The following LIG1 variants were observed in gnomAD, a reference collection of about 807,000 sequenced individuals.
LIG1 encodes the protein DNA ligase 1.
In LIG1, 70 loss-of-function variants were observed where a neutral mutation model predicts 115.7. The observed-to-expected ratio is 0.60, with a 90% CI of 0.50 to 0.74. The LOEUF (loss-of-function observed/expected upper bound fraction) is 0.74. LIG1 is among the 30% of genes least tolerant of loss of function. The probability of loss-of-function intolerance (pLI) is 0.00; values close to 1 mark genes in which losing one functional copy is unlikely to be tolerated. For missense variants in LIG1, 1,115 were observed against 1,225.6 expected, an observed-to-expected ratio of 0.91 and a Z score of 1.35; for synonymous variants, 487 against 495.3, an observed-to-expected ratio of 0.98 and a Z score of 0.22.
intron 1 of LIG1, among the ~76,000 whole-genome samples, chr19:48,166,538 C>T (rs997022886): frequency 6.6e-6 from 1 of 152,158 alleles, no homozygotes; most frequent in Non-Finnish European, 1.5e-5. Flanking sequence ...AATATGCATG[C>T]TTTTGCAGGC....
chr19:48,135,694 C>T lies in LIG1; in HGVS notation c.1509G>A (p.Leu503=). 1 of 1,613,958 alleles carries T rather than the reference C, an allele frequency of 6.2e-7. No individual in the cohort carries two copies. The change falls in exon 16 of 28, where the codon CTG becomes CTA. Residue 503 remains leucine, a synonymous_variant. Transcript: ENST00000263274. ...CCAGCTCTCACCAGAACGTCTGCTT[C>T]AGGATCATGCCTTGCTCCTCCAGCC... ...KTWLEEQGMI[L]KQTFCEVPDL... is the part of the protein sequence containing the mutation.
rs370406559 is a variant in LIG1 at position 48,137,002 on chromosome 19, G to A, written c.1331+6C>T. On this transcript the variant is annotated splice_donor_region_variant and intron_variant, in intron 14 of 27. Coordinates refer to ENST00000263274, the MANE Select transcript of LIG1 (RefSeq NM_000234.3). This position sits in a 1 kb window ranked among gnomAD's most constrained non-coding sequence, Gnocchi z 4.3. The stretch of plus-strand genomic sequence containing the variant: ...CCTCTGTAGCCTCACAGGCCCACAC[G>A]CTTACCTAGCGATGAACCGGGCTTC... The A allele has an allele frequency of 9.0e-5, 145 of 1,609,422 alleles. No individual in the cohort carries two copies. Among genetic ancestry groups the A allele is most frequent in the Middle Eastern group, 1.7e-4 (1 of 6,050 alleles).
rs71334267 is a variant in LIG1, at chr19:48,119,529, C to CTTT, written c.2386-342_2386-340dup. On this transcript the variant is annotated intron_variant, in intron 24 of 27. Transcript: ENST00000263274. ...GTAACTGGCTGTCCTCACTTCCAGT[C>CTTT]TTTTTTTTTTTTTTTTTTTTTTTTT... Among the ~76,000 whole-genome samples the CTTT allele has an allele frequency of 2.2e-3, 148 of 68,010 alleles. 22 individuals carry two copies. The highest frequency in any genetic ancestry group is 5.9e-3 in the African/African-American group (88 of 14,820). 44.6% of individuals were successfully genotyped at this position (68,010 alleles called of 152,430 possible).
Position 48,136,017 on chromosome 19 carries a change from G to C in LIG1, c.1423+17C>G, listed in dbSNP as rs776210370. On this transcript the variant is annotated intron_variant, in intron 15 of 27. Transcript: ENST00000263274. ...TAACTCCAGCGAGGGATGCAGAGACGGGCCACAGGAGCTCACCTTGGCCCG... is the reference window on the plus strand; with the variant it reads ...TAACTCCAGCGAGGGATGCAGAGACCGGCCACAGGAGCTCACCTTGGCCCG... 6.5e-7 allele frequency: 1 copy of C among 1,544,514 alleles called. No individual in the cohort carries two copies. Among genetic ancestry groups the C allele is most frequent in the Non-Finnish European group, 8.8e-7 (1 of 1,141,276 alleles).
At chr19:48,120,816 A>C in intron 24 of LIG1, 1 of 509,608 alleles carries the variant, frequency 2.0e-6, no homozygotes, top group Non-Finnish European at 2.7e-6. Flanking sequence ...ATGTGGGGAC[A>C]AAAAAAAATG....
At chr19:48,165,753 T>C in intron 1 of LIG1, 130 bp from the exon 2 acceptor site, 1 of 760,316 alleles carries the variant, frequency 1.3e-6, no homozygotes, top group Non-Finnish European at 2.2e-6. Context: ...AAAAAGAAAC[T>C]CCTGTTTTTA....
chr19:48,168,699 AG>A (rs1427976550), intron 1 of LIG1, among the ~76,000 whole-genome samples: 3 of 152,210 alleles, frequency 2.0e-5, no homozygotes, highest in African/African-American at 7.2e-5. Context: ...AATATTGTTC[AG>A]GGTTAAAATT....
chr19:48,150,023 G>A (rs2035365658), intron 8 of LIG1, 65 bp downstream of exon 8: 4 of 1,610,714 alleles, frequency 2.5e-6, no homozygotes, highest in Admixed American at 3.3e-5. Context: ...CAGGCCTCTG[G>A]AGAGAGGCTC....
chr19:48,157,277 G>C, intron 4 of LIG1, 137 bp from the exon 5 acceptor site: 12 of 948,742 alleles, frequency 1.3e-5, no homozygotes, highest in Non-Finnish European at 1.6e-5. Context: ...TAACTCAGGG[G>C]TGGCCTCTTC....
At position 48,161,284 on chromosome 19, in the gene LIG1, T is replaced by G. The variant is rs536109232; in HGVS notation, c.243+88A>C. On this transcript the variant is annotated intron_variant, in intron 4 of 27. Transcript: ENST00000263274. Reference sequence around the variant, plus strand: ...CCTCTCCCGGGCAATTTCTCCAGAATTCTCCTGAACAGCTGCTGCACTCTG... The same window carrying G: ...CCTCTCCCGGGCAATTTCTCCAGAAGTCTCCTGAACAGCTGCTGCACTCTG... 6.3e-6 allele frequency: 10 copies of G among 1,581,872 alleles called. No individual in the cohort carries two copies. In the East Asian group the frequency reaches 1.8e-4, roughly 28 times the overall value.
At chr19:48,168,287 C>G (rs1381527345) in intron 1 of LIG1, among the ~76,000 whole-genome samples, 1 of 152,184 alleles carries the variant, frequency 6.6e-6, no homozygotes, top group South Asian at 2.1e-4. Context: ...CTCAAGTCAG[C>G]CCTCCAAGAC....
intron 21 of LIG1, chr19:48,123,732 G>A (rs1297165213): frequency 2.0e-5 from 6 of 295,756 alleles, no homozygotes; most frequent in South Asian, 3.4e-5. Context: ...ACTGTCTTGC[G>A]TCGGCCTCCC....
At chr19:48,138,818 C>CA (rs2034560157) in intron 12 of LIG1, among the ~76,000 whole-genome samples, 1 of 152,176 alleles carries the variant, frequency 6.6e-6, no homozygotes, top group Non-Finnish European at 1.5e-5. Flanking sequence ...ACCTGCAGCT[C>CA]AGAGTATTCT....
At chr19:48,133,149 G>C (rs1310746399) in intron 17 of LIG1, 52 bp from the exon 18 acceptor site, 1 of 1,179,544 alleles carries the variant, frequency 8.5e-7, no homozygotes. Flanking sequence ...TGGATTAGAG[G>C]GGGAACATGG....
At chr19:48,163,210 G>A (rs35879443) in intron 2 of LIG1, among the ~76,000 whole-genome samples, 45,742 of 148,388 alleles carry the variant, frequency 0.31, 8,087 homozygotes, top group East Asian at 0.56. Flanking sequence ...GTGCCCCCGC[G>A]CCCAGCCTAA....
intron 2 of LIG1, among the ~76,000 whole-genome samples, chr19:48,164,328 C>G (rs914912518): frequency 6.6e-6 from 1 of 152,188 alleles, no homozygotes; most frequent in African/African-American, 2.4e-5. Context: ...TTTGTGTAAG[C>G]CACTACCGCC....
At chr19:48,157,504 T>A (rs2035926029) in intron 4 of LIG1, among the ~76,000 whole-genome samples, 1 of 152,046 alleles carries the variant, frequency 6.6e-6, no homozygotes, top group Non-Finnish European at 1.5e-5. Context: ...CACAATGGGA[T>A]GTCAGGGGAA....
At chr19:48,121,639 T>C (rs1049233218) in intron 23 of LIG1, among the ~76,000 whole-genome samples, 16 of 152,068 alleles carry the variant, frequency 1.1e-4, no homozygotes, top group Non-Finnish European at 2.1e-4. Context: ...CCGTCTCTAT[T>C]AAAAATACAA....
At chr19:48,158,942 T>TA (rs2036011070) in intron 4 of LIG1, among the ~76,000 whole-genome samples, 2 of 152,234 alleles carry the variant, frequency 1.3e-5, no homozygotes, top group Non-Finnish European at 2.9e-5. Flanking sequence ...GCCTTAGAGT[T>TA]AGTTCTCTTT....
Sources: allele counts gnomAD v4.1 joint callset (sites outside exome capture counted in the v4.1 genomes callset), GRCh38; gene constraint gnomAD v4.1.1; non-coding constraint Gnocchi (gnomAD v3.1); transcripts MANE v1.5; gene names NCBI Gene and HGNC (gene_info 2026-07-23, HGNC 2026-07-21).